The following FBXW2 variants were observed in gnomAD, a reference collection of about 807,000 sequenced individuals.
The protein encoded by FBXW2 is F-box and WD repeat domain containing 2.
FBXW2 carries 12 observed loss-of-function variants against 46.0 expected under a neutral mutation model. The ratio of observed to expected loss-of-function variants is 0.26; its 90% confidence interval spans 0.17 to 0.42. FBXW2 has a LOEUF of 0.42. FBXW2 is among the 10% of genes least tolerant of loss of function. The probability of loss-of-function intolerance (pLI) is 1.00; values close to 1 mark genes in which losing one functional copy is unlikely to be tolerated. For synonymous variants in FBXW2, 203 were observed against 209.6 expected, an observed-to-expected ratio of 0.97 and a Z score of 0.27; for missense variants, 360 against 537.0, an observed-to-expected ratio of 0.67 and a Z score of 3.26.
At chr9:120,784,479 T>C (rs1439432514) in intron 3 of FBXW2, among the ~76,000 whole-genome samples, 4 of 150,788 alleles carry the variant, frequency 2.7e-5, no homozygotes, top group Non-Finnish European at 1.5e-5. Context: ...AGGCATAGGG[T>C]TGCTCGCTTG....
At chr9:120,782,997 A>G (rs2044648335) in intron 3 of FBXW2, among the ~76,000 whole-genome samples, 1 of 152,200 alleles carries the variant, frequency 6.6e-6, no homozygotes, top group Admixed American at 6.5e-5. Context: ...GGAAATGGAT[A>G]GTGGTGATGA....
At chr9:120,765,815 C>A (rs978129665) in intron 7 of FBXW2, among the ~76,000 whole-genome samples, 4 of 151,848 alleles carry the variant, frequency 2.6e-5, no homozygotes, top group African/African-American at 9.7e-5. Context: ...AGGGAAGAAA[C>A]AACTAGGGGA....
chr9:120,776,334 G>C, intron 4 of FBXW2, 108 bp from the exon 5 acceptor site: 2 of 1,268,128 alleles, frequency 1.6e-6, no homozygotes, highest in Non-Finnish European at 2.2e-6. Context: ...CCCAACCAGA[G>C]ACACCGTAAG....
chr9:120,778,250 AAGC>A, intron 4 of FBXW2, 98 bp downstream of exon 4: 2 of 999,700 alleles, frequency 2.0e-6, no homozygotes, highest in Non-Finnish European at 2.9e-6. Flanking sequence ...GGGTTGAAAA[AAGC>A]AGGTTAAATT....
At chr9:120,786,590 C>T (rs2044728318) in intron 3 of FBXW2, among the ~76,000 whole-genome samples, 1 of 152,082 alleles carries the variant, frequency 6.6e-6, no homozygotes. Context: ...TAAATAATGA[C>T]TATTGATATA....
At chr9:120,791,052 A>T (rs1057126747) in intron 2 of FBXW2, among the ~76,000 whole-genome samples, 1 of 152,174 alleles carries the variant, frequency 6.6e-6, no homozygotes, top group African/African-American at 2.4e-5. Flanking sequence ...TTTTTTCCCT[A>T]AAAAAGCAAG....
At chr9:120,780,209 T>C (rs2044582017) in intron 3 of FBXW2, among the ~76,000 whole-genome samples, 1 of 150,114 alleles carries the variant, frequency 6.7e-6, no homozygotes, top group Non-Finnish European at 1.5e-5. Flanking sequence ...AATACAAAAA[T>C]TAGCCAGGCA....
chr9:120,770,134 T>C (rs188622385), intron 7 of FBXW2, among the ~76,000 whole-genome samples: 54 of 152,268 alleles, frequency 3.5e-4, no homozygotes, highest in Admixed American at 7.2e-4. Context: ...CCCAGCACTT[T>C]GGGAGGCCGA....
chr9:120,783,774 C>T (rs1021386994), intron 3 of FBXW2, among the ~76,000 whole-genome samples: 25 of 152,276 alleles, frequency 1.6e-4, no homozygotes, highest in South Asian at 6.2e-4. Context: ...TACTGAACAG[C>T]ACAAAGCATA....
At chr9:120,773,710 A>G (rs925448989) in intron 5 of FBXW2, among the ~76,000 whole-genome samples, 5 of 152,228 alleles carry the variant, frequency 3.3e-5, no homozygotes, top group African/African-American at 4.8e-5. Context: ...ATTACTAAGT[A>G]TCAGGCACCT....
intron 3 of FBXW2, among the ~76,000 whole-genome samples, chr9:120,784,508 G>C (rs1400789545): frequency 6.6e-6 from 1 of 151,892 alleles, no homozygotes; most frequent in Non-Finnish European, 1.5e-5. Context: ...GCTAAACCCG[G>C]GAGGCTGACA....
Position 120,764,795 on chromosome 9 carries a change from T to G in FBXW2, c.1129A>C (p.Ile377Leu), listed in dbSNP as rs755295112. Residue 377 changes from isoleucine (I) to leucine (L), a missense_variant, in exon 8 of 8, where the codon ATC becomes CTC. Transcript: ENST00000608872. Reference protein sequence around the residue: ...ANLALLGFGDIFALLFDNRYL... With the variant: ...ANLALLGFGDLFALLFDNRYL... Reference sequence around the variant, plus strand: ...CGGTTGTCAAACAGCAGGGCAAAGATATCTCCAAAGCCAAGCAAGGCCAAG... The same window carrying G: ...CGGTTGTCAAACAGCAGGGCAAAGAGATCTCCAAAGCCAAGCAAGGCCAAG... 6 of 1,611,012 alleles carry G rather than the reference T, an allele frequency of 3.7e-6. No homozygotes were observed. Among genetic ancestry groups the G allele is most frequent in the Non-Finnish European group, 5.1e-6 (6 of 1,177,758 alleles).
intron 3 of FBXW2, among the ~76,000 whole-genome samples, chr9:120,781,501 T>C (rs185051214): frequency 7.7e-4 from 117 of 152,178 alleles, no homozygotes; most frequent in African/African-American, 2.6e-3. Context: ...CTTATTTGCA[T>C]ATCAGAAAGA....
In FBXW2 at chr9:120,787,776, G is replaced by A. The variant is rs749184312; in HGVS notation, c.483C>T (p.Leu161=). 2 of 1,613,024 alleles carry A rather than the reference G, an allele frequency of 1.2e-6. No homozygotes were observed. The highest frequency in any genetic ancestry group is 2.2e-5 in the South Asian group (2 of 90,932). The change falls in exon 3 of 8, where the codon CTC becomes CTT. Residue 161 remains leucine (L), a synonymous_variant. Transcript: ENST00000608872. ...AGTTTCAACATCTCTTACCTGTACA[G>A]AGAAGTCCATCTTTGTAGTAAAGTG... ...VYALYYKDGL[L]CTGSDDLSAK...
chr9:120,772,060 GAAAA>G (rs59520792), intron 6 of FBXW2, among the ~76,000 whole-genome samples: 1 of 51,300 alleles, frequency 1.9e-5, no homozygotes, highest in Non-Finnish European at 3.8e-5. Context: ...CCCTGTCTCA[GAAAA>G]AAAAAAAAAA....
chr9:120,770,166 G>T (rs1303087696), intron 7 of FBXW2, among the ~76,000 whole-genome samples: 1 of 152,124 alleles, frequency 6.6e-6, no homozygotes, highest in Admixed American at 6.5e-5. Context: ...CACGAGGTCA[G>T]GAGATTGAGT....
intron 5 of FBXW2, among the ~76,000 whole-genome samples, chr9:120,773,672 G>A (rs1390413802): frequency 6.6e-6 from 1 of 152,214 alleles, no homozygotes; most frequent in Non-Finnish European, 1.5e-5. Context: ...TCAGAAGTCT[G>A]GATTGCAGAC....
rs1248418804 is a variant in FBXW2, at chr9:120,757,634, T to C, written c.*6925A>G. On this transcript the variant is annotated 3_prime_UTR_variant, in exon 8 of 8. Transcript: ENST00000608872. The stretch of plus-strand genomic sequence containing the variant: ...AATCCATACACATGTGCATAAGGAT[T>C]AGAAGAGAGTATTAAAAATCGTAAT... 6.6e-6 allele frequency: 1 copy of C among 152,232 alleles called. No individual in the cohort carries two copies. The highest frequency in any genetic ancestry group is 2.4e-5 in the African/African-American group (1 of 41,472). The allele number at this position is 152,232 out of a possible 1,614,324, so 9.4% of individuals were successfully genotyped here.
At position 120,793,400 on chromosome 9, in the gene FBXW2, G is replaced by A; in HGVS notation, c.-176C>T. On this transcript the variant is annotated 5_prime_UTR_variant, in exon 1 of 8. Transcript: ENST00000608872. Reference sequence around the variant, plus strand: ...CCGGTCCGCAGCCTCACAGGGGAGCGGCTTCCGGTGCTGCCTGCGTCATCT... The same window carrying A: ...CCGGTCCGCAGCCTCACAGGGGAGCAGCTTCCGGTGCTGCCTGCGTCATCT... 1 of 399,632 alleles carries A rather than the reference G, an allele frequency of 2.5e-6. No homozygotes were observed. Among genetic ancestry groups the A allele is most frequent in the Non-Finnish European group, 4.4e-6 (1 of 226,876 alleles). The allele number at this position is 399,632 out of a possible 1,614,324, so 24.8% of individuals were successfully genotyped here.
Sources: allele counts gnomAD v4.1 joint callset (sites outside exome capture counted in the v4.1 genomes callset), GRCh38; gene constraint gnomAD v4.1.1; transcripts MANE v1.5; gene names NCBI Gene and HGNC (gene_info 2026-07-23, HGNC 2026-07-21).